PDE8A: variants seen among roughly 807,000 people sequenced by gnomAD.
The protein encoded by PDE8A is phosphodiesterase 8A, also known as high affinity cAMP-specific and IBMX-insensitive 3',5'-cyclic phosphodiesterase 8A.
Under a neutral mutation model 105.0 loss-of-function variants are expected in PDE8A, and 59 were observed. That is an observed-to-expected ratio of 0.56 (90% confidence interval 0.46 to 0.70). The LOEUF (loss-of-function observed/expected upper bound fraction) is 0.70. Ranked by LOEUF, PDE8A falls within the 30% of genes least tolerant of loss-of-function variation. The probability of loss-of-function intolerance (pLI) is 0.00; values close to 1 mark genes in which losing one functional copy is unlikely to be tolerated. For synonymous variants in PDE8A, 355 were observed against 371.9 expected, an observed-to-expected ratio of 0.95 and a Z score of 0.52; for missense variants, 1,014 against 1,045.9, an observed-to-expected ratio of 0.97 and a Z score of 0.42.
At chr15:85,056,914 C>T (rs1193390323) in intron 1 of PDE8A, among the ~76,000 whole-genome samples, 1 of 152,190 alleles carries the variant, frequency 6.6e-6, no homozygotes, top group Non-Finnish European at 1.5e-5. Flanking sequence ...GAATGTTCAG[C>T]TTTTCTGCTC....
intron 20 of PDE8A, among the ~76,000 whole-genome samples, chr15:85,133,807 G>A (rs2082363042): frequency 6.6e-6 from 1 of 152,182 alleles, no homozygotes; most frequent in African/African-American, 2.4e-5. Flanking sequence ...GAATAGCATG[G>A]ATACTAAGAG....
At chr15:84,988,947 A>G (rs1481287501) in intron 1 of PDE8A, among the ~76,000 whole-genome samples, 1 of 152,220 alleles carries the variant, frequency 6.6e-6, no homozygotes, top group Non-Finnish European at 1.5e-5. Context: ...CCACGAGTCT[A>G]TCTCACCTTG....
chr15:85,116,200 G>C (rs2082094994), intron 16 of PDE8A, 81 bp downstream of exon 16: 1 of 1,445,380 alleles, frequency 6.9e-7, no homozygotes, highest in Admixed American at 1.8e-5. Context: ...AGTATGGATT[G>C]TGCACAAGCC....
At chr15:85,128,704 A>G (rs2082292082) in intron 20 of PDE8A, among the ~76,000 whole-genome samples, 2 of 152,196 alleles carry the variant, frequency 1.3e-5, no homozygotes, top group African/African-American at 4.8e-5. Flanking sequence ...AAACCACCCA[A>G]TTTATTATAG....
chr15:85,120,878 T>G lies in PDE8A; in HGVS notation c.1816T>G (p.Ser606Ala). The G allele has an allele frequency of 6.2e-7, 1 of 1,614,044 alleles. No individual in the cohort carries two copies. The highest frequency in any genetic ancestry group is 8.5e-7 in the Non-Finnish European group (1 of 1,179,858). ...TGTGGATCACCCTGGGAGAACCAAC[T>G]CCTTCCTGTGTAATGCTGGAAGTGA... ...HDVDHPGRTNSFLCNAGSELA... is the reference protein window; with the variant it reads ...HDVDHPGRTNAFLCNAGSELA... The change falls in exon 18 of 22, where the codon TCC (serine) becomes GCC (alanine). Residue 606 changes from serine to alanine, a missense_variant. Ser to Ala is a moderately conservative substitution (Grantham distance 99). Coordinates refer to ENST00000394553, the MANE Select transcript of PDE8A (RefSeq NM_002605.3).
chr15:85,062,109 T>C (rs1177188894), intron 1 of PDE8A, among the ~76,000 whole-genome samples: 2 of 152,256 alleles, frequency 1.3e-5, no homozygotes, highest in Non-Finnish European at 1.5e-5. Context: ...GGATGGTTGC[T>C]GTTGATTTAG....
chr15:85,082,211 C>A (rs909797196), intron 5 of PDE8A, among the ~76,000 whole-genome samples: 2 of 145,044 alleles, frequency 1.4e-5, no homozygotes, highest in African/African-American at 4.9e-5. Context: ...TGGGAGCTGG[C>A]AGGCATGTCA....
intron 5 of PDE8A, among the ~76,000 whole-genome samples, chr15:85,080,512 G>T (rs1198383113): frequency 2.6e-5 from 4 of 152,088 alleles, no homozygotes; most frequent in Non-Finnish European, 5.9e-5. Flanking sequence ...TCTGCCTTGG[G>T]TTATTTGCTT....
At chr15:85,066,667 G>A (rs111821956) in intron 2 of PDE8A, among the ~76,000 whole-genome samples, 125 of 149,742 alleles carry the variant, frequency 8.3e-4, no homozygotes, top group Non-Finnish European at 1.4e-3. Flanking sequence ...GACCAGGCGC[G>A]GTGGCTCACG....
At chr15:85,082,805 A>G (rs111389956) in intron 5 of PDE8A, among the ~76,000 whole-genome samples, 3 of 152,244 alleles carry the variant, frequency 2.0e-5, no homozygotes, top group African/African-American at 4.8e-5. Flanking sequence ...ATAGAACTAT[A>G]TGACAGAACA....
At chr15:85,046,402 A>G (rs1486690426) in intron 1 of PDE8A, among the ~76,000 whole-genome samples, 1 of 152,202 alleles carries the variant, frequency 6.6e-6, no homozygotes, top group Non-Finnish European at 1.5e-5. Context: ...TCTGAAAACT[A>G]CAAGTCCTGT....
At position 84,997,204 on chromosome 15, in the gene PDE8A, T is replaced by C. The variant is rs111901971; in HGVS notation, c.186+14856T>C. 3.3e-3 allele frequency among the ~76,000 whole-genome samples: 504 copies of C among 152,272 alleles called. 2 individuals are homozygous for C. Among genetic ancestry groups the C allele is most frequent in the African/African-American group, 0.012 (489 of 41,544 alleles). On this transcript the variant is annotated intron_variant, in intron 1 of 21. Coordinates refer to ENST00000394553, the MANE Select transcript of PDE8A (RefSeq NM_002605.3). ...AAGCTTTTCTCCATTATGTTTTTTT[T>C]TCTTTTTGAGACAGGGTCTCACTCT...
chr15:84,991,199 A>G (rs1470333355), intron 1 of PDE8A, among the ~76,000 whole-genome samples: 1 of 152,236 alleles, frequency 6.6e-6, no homozygotes, highest in Non-Finnish European at 1.5e-5. Context: ...TCATCAAAAG[A>G]GAGTGAAAAG....
At chr15:84,984,206 C>T (rs2079766341) in intron 1 of PDE8A, among the ~76,000 whole-genome samples, 1 of 152,034 alleles carries the variant, frequency 6.6e-6, no homozygotes, top group African/African-American at 2.4e-5. Flanking sequence ...ATTATAACAC[C>T]ACAACCACAG....
At chr15:85,089,232 C>A in intron 6 of PDE8A, 106 bp from the exon 7 acceptor site, 1 of 676,906 alleles carries the variant, frequency 1.5e-6, no homozygotes, top group Non-Finnish European at 2.6e-6. Context: ...ATATTTTCTC[C>A]CTTCCTTATA....
intron 11 of PDE8A, among the ~76,000 whole-genome samples, chr15:85,101,180 A>G (rs2081856360): frequency 6.6e-6 from 1 of 152,190 alleles, no homozygotes; most frequent in Non-Finnish European, 1.5e-5. Flanking sequence ...CAGAGCTAGC[A>G]CCTGAATCCA....
intron 6 of PDE8A, among the ~76,000 whole-genome samples, chr15:85,086,126 C>A (rs1211573013): frequency 6.6e-6 from 1 of 151,984 alleles, no homozygotes; most frequent in Non-Finnish European, 1.5e-5. Flanking sequence ...GGTTGACTAG[C>A]TGGAAAGAAA....
chr15:85,108,547 A>C (rs1486491538), intron 11 of PDE8A, among the ~76,000 whole-genome samples: 1 of 152,162 alleles, frequency 6.6e-6, no homozygotes, highest in African/African-American at 2.4e-5. Flanking sequence ...TTCGTAGAGA[A>C]GAGGGGGTGA....
At chr15:85,096,891 T>C (rs1489426507) in intron 8 of PDE8A, among the ~76,000 whole-genome samples, 1 of 152,226 alleles carries the variant, frequency 6.6e-6, no homozygotes, top group Non-Finnish European at 1.5e-5. Flanking sequence ...GGTTTCTTTT[T>C]GATCTGCTTT....
Sources: allele counts gnomAD v4.1 joint callset (sites outside exome capture counted in the v4.1 genomes callset), GRCh38; gene constraint gnomAD v4.1.1; transcripts MANE v1.5; gene names NCBI Gene and HGNC (gene_info 2026-07-23, HGNC 2026-07-21).